GALNT14: variants seen among roughly 807,000 people sequenced by gnomAD.
GALNT14 encodes the protein polypeptide N-acetylgalactosaminyltransferase 14.
In GALNT14, 60 loss-of-function variants were observed where a neutral mutation model predicts 77.5. The ratio of observed to expected loss-of-function variants is 0.77; its 90% CI spans 0.63 to 0.96. The LOEUF (loss-of-function observed/expected upper bound fraction) is 0.96, where lower values mean the gene tolerates loss of function less well. Ranked by LOEUF, GALNT14 falls within the 40% of genes least tolerant of loss-of-function variation. The pLI, the probability that GALNT14 is intolerant of heterozygous loss-of-function variation, is 0.00. For synonymous variants in GALNT14, 280 were observed against 281.7 expected, an observed-to-expected ratio of 0.99 and a Z score of 0.06; for missense variants, 710 against 731.0, an observed-to-expected ratio of 0.97 and a Z score of 0.33.
chr2:30,989,581 T>TATATATATATAA (rs1384068782), intron 2 of GALNT14, among the ~76,000 whole-genome samples: 2 of 108,180 alleles, frequency 1.8e-5, no homozygotes, highest in African/African-American at 9.6e-5. Flanking sequence ...TATATATATA[T>TATATATATATAA]AAAAATATAT....
chr2:31,066,758 C>T (rs2148553831), intron 1 of GALNT14, among the ~76,000 whole-genome samples: 1 of 152,132 alleles, frequency 6.6e-6, no homozygotes, highest in South Asian at 2.1e-4. Flanking sequence ...AGAGCACCCC[C>T]CACCCCCCAC....
chr2:31,014,337 C>T (rs1371800455), intron 1 of GALNT14, among the ~76,000 whole-genome samples: 2 of 152,148 alleles, frequency 1.3e-5, no homozygotes, highest in Non-Finnish European at 1.5e-5. Context: ...CTGGGCTCTC[C>T]AGTAGGTTGC....
intron 1 of GALNT14, among the ~76,000 whole-genome samples, chr2:31,008,883 G>A (rs535327080): frequency 2.0e-5 from 3 of 152,184 alleles, no homozygotes; most frequent in Non-Finnish European, 4.4e-5. Context: ...CCCTGCACGG[G>A]TGGCCGGGGA....
At chr2:30,900,981 A>G in the GALNT14 span, among the ~76,000 whole-genome samples, 2 of 152,184 alleles carry the variant, frequency 1.3e-5, no homozygotes, top group Admixed American at 1.3e-4. Flanking sequence ...TTGGGTAGAA[A>G]AATGATAATC....
chr2:30,912,144 C>T, intron 14 of GALNT14, 79 bp downstream of exon 14: 1 of 1,538,246 alleles, frequency 6.5e-7, no homozygotes, highest in Non-Finnish European at 8.9e-7. Flanking sequence ...TCTCTCTTTT[C>T]CTGCTCATCA....
At chr2:30,924,000 G>C (rs548077787) in intron 13 of GALNT14, 119 bp downstream of exon 13, 2 of 1,132,858 alleles carry the variant, frequency 1.8e-6, no homozygotes, top group East Asian at 4.7e-5. Flanking sequence ...CTCCACTACC[G>C]ATCTCTGGGA....
In GALNT14 at chr2:31,079,387, C is replaced by T. The variant is rs189991630; in HGVS notation, c.129+58571G>A. On this transcript the variant is annotated intron_variant, in intron 1 of 14. Coordinates refer to ENST00000349752, the MANE Select transcript of GALNT14 (RefSeq NM_024572.4). Reference sequence around the variant, plus strand: ...AGCTAAGAAATCTGGGGGTGGCCAACCCGGAGATTCACTCCTTACCTCTGA... The same window carrying T: ...AGCTAAGAAATCTGGGGGTGGCCAATCCGGAGATTCACTCCTTACCTCTGA... 9.8e-5 allele frequency among the ~76,000 whole-genome samples: 15 copies of T among 152,294 alleles called. No individual in the cohort carries two copies. In the East Asian group the frequency reaches 2.5e-3, roughly 26 times the overall value.
intron 2 of GALNT14, among the ~76,000 whole-genome samples, chr2:30,991,789 C>T (rs893448772): frequency 1.3e-5 from 2 of 152,170 alleles, no homozygotes; most frequent in African/African-American, 4.8e-5. Context: ...GTAGTGCAAC[C>T]TAGTTGGGGA....
chr2:30,972,689 G>C (rs966803914), intron 2 of GALNT14, among the ~76,000 whole-genome samples: 4 of 152,174 alleles, frequency 2.6e-5, no homozygotes. Context: ...TGTGACTCAG[G>C]TCTATTCTGT....
At chr2:30,929,514 T>A (rs1665599450) in intron 10 of GALNT14, 27 bp from the exon 11 acceptor site, 1 of 1,572,226 alleles carries the variant, frequency 6.4e-7, no homozygotes, top group Non-Finnish European at 8.7e-7. Flanking sequence ...TGACAAGGGG[T>A]GTCAGTAAGG....
intron 1 of GALNT14, among the ~76,000 whole-genome samples, chr2:31,098,572 G>A (rs1486934472): frequency 6.6e-6 from 1 of 152,112 alleles, no homozygotes; most frequent in African/African-American, 2.4e-5. Flanking sequence ...TTAGTCTGTT[G>A]TATTATCTTT....
At chr2:30,896,022 T>A in the GALNT14 span, among the ~76,000 whole-genome samples, 1 of 152,216 alleles carries the variant, frequency 6.6e-6, no homozygotes, top group South Asian at 2.1e-4. Context: ...CGACCAGTTA[T>A]TTAATTTCTC....
At chr2:31,094,921 G>A (rs1434379998) in intron 1 of GALNT14, among the ~76,000 whole-genome samples, 1 of 152,162 alleles carries the variant, frequency 6.6e-6, no homozygotes, top group Non-Finnish European at 1.5e-5. Flanking sequence ...ATTGGACCAG[G>A]AGCCAGGTCA....
rs553722608 is a variant in GALNT14, at chr2:31,059,817, C to T, written c.130-66810G>A. ...GTGTATGAGCCAGAAAGCAGGTCCT[C>T]ACCGGACACTGACTGCTTGATCTTG... is the stretch of plus-strand genomic sequence containing the variant. On this transcript the variant is annotated intron_variant, in intron 1 of 14. Coordinates refer to ENST00000349752, the MANE Select transcript of GALNT14 (RefSeq NM_024572.4). Among the ~76,000 whole-genome samples, 16 of 152,368 alleles carry T rather than the reference C, an allele frequency of 1.1e-4. 1 individual carries two copies. The South Asian group carries it at 3.3e-3, about 32-fold the overall frequency.
intron 1 of GALNT14, among the ~76,000 whole-genome samples, chr2:31,104,541 T>C (rs1677455573): frequency 1.3e-5 from 2 of 152,112 alleles, no homozygotes; most frequent in African/African-American, 2.4e-5. Flanking sequence ...CCCAACAATG[T>C]CTCTTTTTCA....
intron 1 of GALNT14, among the ~76,000 whole-genome samples, chr2:31,019,892 A>G (rs1671608734): frequency 2.0e-5 from 3 of 152,230 alleles, no homozygotes; most frequent in South Asian, 2.1e-4. Context: ...AGCTTTCTAC[A>G]ATAGAAAGGC....
At chr2:31,017,862 C>A (rs1431951143) in intron 1 of GALNT14, among the ~76,000 whole-genome samples, 1 of 152,216 alleles carries the variant, frequency 6.6e-6, no homozygotes, top group East Asian at 1.9e-4. Flanking sequence ...TGTGAACTAA[C>A]TGAACCCACT....
intron 1 of GALNT14, among the ~76,000 whole-genome samples, chr2:31,118,817 G>A (rs1203088963): frequency 6.6e-6 from 1 of 152,110 alleles, no homozygotes; most frequent in Non-Finnish European, 1.5e-5. Context: ...TAATTGAGAA[G>A]TAGCTACTGG....
At chr2:31,064,628 T>C (rs1391284134) in intron 1 of GALNT14, among the ~76,000 whole-genome samples, 1 of 152,140 alleles carries the variant, frequency 6.6e-6, no homozygotes, top group Non-Finnish European at 1.5e-5. Flanking sequence ...AACACAAATA[T>C]ATCGCTGATT....
Sources: allele counts gnomAD v4.1 joint callset (sites outside exome capture counted in the v4.1 genomes callset), GRCh38; gene constraint gnomAD v4.1.1; transcripts MANE v1.5; gene names NCBI Gene and HGNC (gene_info 2026-07-23, HGNC 2026-07-21).